The following PCDH11X variants were observed in gnomAD, a reference collection of about 807,000 sequenced individuals.
The protein encoded by PCDH11X is protocadherin-11 X-linked.
Under a neutral mutation model 53.3 loss-of-function variants are expected in PCDH11X, and 18 were observed. That is an observed-to-expected ratio of 0.34 (90% CI 0.23 to 0.50). The LOEUF (loss-of-function observed/expected upper bound fraction) is 0.50, where lower values mean the gene tolerates loss of function less well. Among genes scored for constraint, PCDH11X ranks in the 20% least tolerant of loss-of-function variants. PCDH11X has a pLI of 0.98. For missense variants in PCDH11X, 570 were observed against 1,032.4 expected, an observed-to-expected ratio of 0.55 and a Z score of 6.14; for synonymous variants, 279 against 393.3, an observed-to-expected ratio of 0.71 and a Z score of 3.44.
chrX:92,494,035 A>C (rs2148687909), intron 10 of PCDH11X, among the ~76,000 whole-genome samples: 1 of 106,430 alleles, frequency 9.4e-6, no homozygotes, highest in East Asian at 3.0e-4. Context: ...TATGTGATGT[A>C]ATGCAAAGGA....
At chrX:91,983,431 G>A (rs2062176166) in intron 6 of PCDH11X, 13 of 716,415 alleles carry the variant, frequency 1.8e-5, no homozygotes, top group Non-Finnish European at 2.9e-5. Flanking sequence ...GCATTATTAA[G>A]CCAAATCCAT....
chrX:91,922,337 T>A (rs919747789), intron 6 of PCDH11X, among the ~76,000 whole-genome samples: 5 of 111,636 alleles, frequency 4.5e-5, no homozygotes, highest in Non-Finnish European at 9.4e-5. Flanking sequence ...TAGTAAGTGG[T>A]AAAGCTGGGG....
At chrX:92,267,193 A>T (rs2067851873) in intron 8 of PCDH11X, among the ~76,000 whole-genome samples, 1 of 111,430 alleles carries the variant, frequency 9.0e-6, no homozygotes, top group Non-Finnish European at 1.9e-5. Context: ...CCATGTAGAC[A>T]TTTTTTTCAA....
chrX:92,441,345 T>C (rs1263731691), intron 9 of PCDH11X, among the ~76,000 whole-genome samples: 1 of 110,708 alleles, frequency 9.0e-6, no homozygotes, highest in Non-Finnish European at 1.9e-5. Flanking sequence ...GGGGAAAATA[T>C]CTCCAGGGCA....
chrX:92,207,378 T>C (rs1332771555), intron 7 of PCDH11X, among the ~76,000 whole-genome samples: 5 of 111,502 alleles, frequency 4.5e-5, no homozygotes, highest in Admixed American at 3.8e-4. Context: ...CACCTTCCCT[T>C]CCCCTGATTC....
At chrX:92,544,435 C>G (rs1326534524) in intron 10 of PCDH11X, among the ~76,000 whole-genome samples, 1 of 111,631 alleles carries the variant, frequency 9.0e-6, no homozygotes, top group African/African-American at 3.3e-5. Context: ...CCTTGATTTT[C>G]TTATTCAAAT....
chrX:91,779,766 T>A (rs1179311930), intron 1 of PCDH11X, 82 bp downstream of exon 1: 1 of 103,864 alleles, frequency 9.6e-6, no homozygotes, highest in East Asian at 3.1e-4. Context: ...CACTGCCCGC[T>A]GCCTGCCCCT....
At chrX:91,785,212 C>T (rs1313246604) in intron 1 of PCDH11X, among the ~76,000 whole-genome samples, 1 of 100,043 alleles carries the variant, frequency 1.0e-5, no homozygotes, top group Non-Finnish European at 2.0e-5. Context: ...ATTCCCTCCT[C>T]CCCCCCTCCT....
chrX:92,429,850 A>G (rs1258999477), intron 9 of PCDH11X, among the ~76,000 whole-genome samples: 4 of 90,330 alleles, frequency 4.4e-5, no homozygotes, highest in African/African-American at 1.5e-4. Flanking sequence ...TTTTCTTCCA[A>G]TATAAGTTTT....
intron 8 of PCDH11X, among the ~76,000 whole-genome samples, chrX:92,279,773 C>T (rs111337038): frequency 3.6e-5 from 4 of 111,870 alleles, no homozygotes; most frequent in Non-Finnish European, 7.5e-5. Flanking sequence ...ATATTTTTCA[C>T]GTTTTTAAAG....
intron 1 of PCDH11X, among the ~76,000 whole-genome samples, chrX:91,800,338 C>T (rs1184704742): frequency 1.8e-5 from 2 of 109,584 alleles, no homozygotes; most frequent in Non-Finnish European, 3.8e-5. Flanking sequence ...TGTTTTTAAG[C>T]ATCTCTTTGT....
At chrX:91,821,691 C>T (rs1307909514) in intron 4 of PCDH11X, among the ~76,000 whole-genome samples, 3 of 103,349 alleles carry the variant, frequency 2.9e-5, no homozygotes. Context: ...ATTGGCCTGG[C>T]CAGAACTTCC....
At chrX:92,190,915 C>T (rs1039098776) in intron 6 of PCDH11X, among the ~76,000 whole-genome samples, 4 of 111,294 alleles carry the variant, frequency 3.6e-5, no homozygotes, top group African/African-American at 1.3e-4. Context: ...AGGACCTGAT[C>T]GTTGTTGCTA....
chrX:92,383,839 C>A (rs2070948511), intron 8 of PCDH11X, among the ~76,000 whole-genome samples: 1 of 111,416 alleles, frequency 9.0e-6, no homozygotes, highest in African/African-American at 3.3e-5. Context: ...GGGTATATAC[C>A]CAGTAATGGG....
At chrX:92,077,636 G>T (rs920729055) in intron 6 of PCDH11X, among the ~76,000 whole-genome samples, 4 of 103,497 alleles carry the variant, frequency 3.9e-5, no homozygotes, top group African/African-American at 1.6e-4. Flanking sequence ...AAGGAAGGAA[G>T]GAAGGAAGGA....
At chrX:92,235,832 G>T (rs748257889) in intron 7 of PCDH11X, among the ~76,000 whole-genome samples, 78 of 110,580 alleles carry the variant, frequency 7.1e-4, no homozygotes, top group Non-Finnish European at 1.4e-3. Flanking sequence ...ATGCATCTCA[G>T]AGTGGACTGT....
intron 5 of PCDH11X, among the ~76,000 whole-genome samples, chrX:91,849,519 T>TA (rs1017216720): frequency 2.8e-5 from 3 of 108,032 alleles, no homozygotes; most frequent in South Asian, 4.1e-4. Flanking sequence ...TAATTATTTT[T>TA]ATTTCACTAC....
intron 6 of PCDH11X, among the ~76,000 whole-genome samples, chrX:91,977,629 T>C (rs1256479746): frequency 9.0e-6 from 1 of 110,629 alleles, no homozygotes; most frequent in African/African-American, 3.3e-5. Flanking sequence ...GTCTCACTCA[T>C]CACTCAAAGA....
chrX:92,179,621 G>A (rs1480196549), intron 6 of PCDH11X, among the ~76,000 whole-genome samples: 1 of 111,867 alleles, frequency 8.9e-6, no homozygotes, highest in Non-Finnish European at 1.9e-5. Context: ...CAGTTTCTTA[G>A]CAGGAAAGTG....
Sources: gnomAD v4.1 joint callset for allele counts (sites outside exome capture counted in the v4.1 genomes callset) on GRCh38, gnomAD v4.1.1 for gene constraint, MANE v1.5 for transcripts, NCBI Gene and HGNC (gene_info 2026-07-23, HGNC 2026-07-21) for gene names.